The following RBM47 variants were observed in gnomAD, a reference collection of about 807,000 sequenced individuals.
RBM47 encodes RNA-binding protein 47.
In RBM47, 21 loss-of-function variants were observed where a neutral mutation model predicts 47.1. The ratio of observed to expected loss-of-function variants is 0.45; its 90% CI spans 0.32 to 0.64. RBM47 has a LOEUF of 0.64. Ranked by LOEUF, RBM47 falls within the 30% of genes least tolerant of loss-of-function variation. The pLI is 0.05. For synonymous variants in RBM47, 375 were observed against 361.7 expected, an observed-to-expected ratio of 1.04 and a Z score of -0.42; for missense variants, 708 against 870.9, an observed-to-expected ratio of 0.81 and a Z score of 2.35.
chr4:40,588,903 T>A, intron 1 of RBM47, among the ~76,000 whole-genome samples: 1 of 151,742 alleles, frequency 6.6e-6, no homozygotes, highest in Non-Finnish European at 1.5e-5. Flanking sequence ...CCTTTTTGTG[T>A]GCCATCAAAA....
chr4:40,500,196 C>T (rs2154249842), intron 2 of RBM47, among the ~76,000 whole-genome samples: 1 of 152,174 alleles, frequency 6.6e-6, no homozygotes, highest in South Asian at 2.1e-4. Flanking sequence ...GCCTGTAATC[C>T]CAGCTACTTA....
At chr4:40,626,866 A>G (rs916380197) in intron 1 of RBM47, among the ~76,000 whole-genome samples, 1 of 152,232 alleles carries the variant, frequency 6.6e-6, no homozygotes, top group African/African-American at 2.4e-5. Flanking sequence ...TCTCTCCCGC[A>G]TAAGATGGAA....
rs577063769 is a variant in RBM47 at position 40,506,910 on chromosome 4, G to A, written c.-155+37512C>T. Among the ~76,000 whole-genome samples the A allele has an allele frequency of 3.3e-5, 5 of 152,156 alleles. No individual in the cohort carries two copies. In the South Asian group the frequency reaches 8.3e-4, roughly 25 times the overall value. The stretch of plus-strand genomic sequence containing the variant: ...AGCACTTTGGGAGGCTGTGGCAGGC[G>A]AATCACTTGAGGTCAAAAGTTCGAG... On this transcript the variant is annotated intron_variant, in intron 2 of 6. Transcript: ENST00000295971.
Position 40,629,791 on chromosome 4 carries a change from G to T in RBM47, c.-635C>A, listed in dbSNP as rs1160352242. 2 of 152,182 alleles carry T rather than the reference G, an allele frequency of 1.3e-5. No individual in the cohort carries two copies. Among genetic ancestry groups the T allele is most frequent in the Non-Finnish European group, 2.9e-5 (2 of 68,038 alleles). The allele number at this position is 152,182 out of a possible 1,614,324, so 9.4% of individuals were successfully genotyped here. A position where few individuals can be genotyped will look rare whatever the true frequency, so the allele number is the denominator to read the frequency against. ...GCTCCCGAGGCCGGGAGCGCGCGGC[G>T]GTTCCACCCGCAGAGCGGCGCCGCG... is the stretch of plus-strand genomic sequence containing the variant. On this transcript the variant is annotated 5_prime_UTR_variant, in exon 1 of 7. Transcript: ENST00000295971.
At chr4:40,603,006 T>G (rs1034593768) in intron 1 of RBM47, among the ~76,000 whole-genome samples, 2 of 152,082 alleles carry the variant, frequency 1.3e-5, no homozygotes, top group Admixed American at 6.5e-5. Context: ...CTGAGCAATA[T>G]AGTCAGATCC....
chr4:40,475,746 A>C (rs1719512546), intron 2 of RBM47: 1 of 152,238 alleles, frequency 6.6e-6, no homozygotes, highest in Non-Finnish European at 1.5e-5. Context: ...AGCTTTGCTT[A>C]AGCAACCTTC....
chr4:40,471,966 C>T (rs770769648), intron 2 of RBM47, among the ~76,000 whole-genome samples: 71 of 152,174 alleles, frequency 4.7e-4, no homozygotes, highest in Admixed American at 2.6e-4. Context: ...CTGTGATATG[C>T]TCCCCCAACA....
At chr4:40,520,330 G>GT (rs1265902755) in intron 2 of RBM47, among the ~76,000 whole-genome samples, 1 of 152,140 alleles carries the variant, frequency 6.6e-6, no homozygotes, top group Non-Finnish European at 1.5e-5. Context: ...TCTAAGTGGA[G>GT]TTTTTTCTCT....
intron 1 of RBM47, among the ~76,000 whole-genome samples, chr4:40,605,880 G>A (rs1578057644): frequency 6.6e-6 from 1 of 151,952 alleles, no homozygotes; most frequent in East Asian, 1.9e-4. Context: ...AAATGAGATA[G>A]TGTTCCACTT....
At chr4:40,519,628 C>A (rs1214847705) in intron 2 of RBM47, among the ~76,000 whole-genome samples, 1 of 149,006 alleles carries the variant, frequency 6.7e-6, no homozygotes, top group Admixed American at 6.7e-5. Flanking sequence ...TCTCCTCACC[C>A]TCCTCTCCCA....
intron 6 of RBM47, among the ~76,000 whole-genome samples, chr4:40,429,141 C>T (rs1013670415): frequency 6.6e-6 from 1 of 152,106 alleles, no homozygotes; most frequent in African/African-American, 2.4e-5. Context: ...GCCCATGTCA[C>T]TTAATAGCCA....
chr4:40,499,226 A>C (rs1234123425), intron 2 of RBM47, among the ~76,000 whole-genome samples: 1 of 152,212 alleles, frequency 6.6e-6, no homozygotes, highest in Non-Finnish European at 1.5e-5. Context: ...CAATTAGTAC[A>C]TACTTACATG....
intron 1 of RBM47, among the ~76,000 whole-genome samples, chr4:40,559,809 T>G (rs1158220810): frequency 6.6e-6 from 1 of 152,218 alleles, no homozygotes; most frequent in Non-Finnish European, 1.5e-5. Context: ...CTGATTCCTG[T>G]TGGCAGCACA....
At chr4:40,483,326 T>C (rs1260556209) in intron 2 of RBM47, among the ~76,000 whole-genome samples, 3 of 152,214 alleles carry the variant, frequency 2.0e-5, no homozygotes, top group Non-Finnish European at 2.9e-5. Context: ...GGCTTTGTTC[T>C]AGACCCCGAA....
chr4:40,509,769 C>A (rs1282958674), intron 2 of RBM47, among the ~76,000 whole-genome samples: 1 of 152,096 alleles, frequency 6.6e-6, no homozygotes, highest in Non-Finnish European at 1.5e-5. Context: ...GCCTGTAGTC[C>A]TAGCTACTGC....
chr4:40,596,477 TTGTAAAGGGTCA>T (rs1439767967), intron 1 of RBM47, among the ~76,000 whole-genome samples: 1 of 152,212 alleles, frequency 6.6e-6, no homozygotes, highest in Non-Finnish European at 1.5e-5. Flanking sequence ...AGCAACCATT[TTGTAAAGGGTCA>T]GACGGGAAAA....
At chr4:40,608,567 TA>T (rs1735967996) in intron 1 of RBM47, among the ~76,000 whole-genome samples, 1 of 152,166 alleles carries the variant, frequency 6.6e-6, no homozygotes, top group South Asian at 2.1e-4. Flanking sequence ...GAAATAGCAA[TA>T]AAAAGCCCTT....
At chr4:40,572,664 C>CGAGAT (rs1731842765) in intron 1 of RBM47, among the ~76,000 whole-genome samples, 1 of 151,242 alleles carries the variant, frequency 6.6e-6, no homozygotes, top group South Asian at 2.1e-4. Context: ...TTTGGGAGAC[C>CGAGAT]GAGATGGGAG....
intron 1 of RBM47, among the ~76,000 whole-genome samples, chr4:40,589,554 A>C (rs1251642942): frequency 2.0e-5 from 3 of 152,064 alleles, no homozygotes; most frequent in Admixed American, 2.0e-4. Flanking sequence ...CTCCTGCCTC[A>C]GCCTCCCAAG....
Sources: allele counts gnomAD v4.1 joint callset (sites outside exome capture counted in the v4.1 genomes callset), GRCh38; gene constraint gnomAD v4.1.1; transcripts MANE v1.5; gene names NCBI Gene and HGNC (gene_info 2026-07-23, HGNC 2026-07-21).